Variants in HHAT observed in about 807,000 individuals in gnomAD.
HHAT encodes the protein protein-cysteine N-palmitoyltransferase HHAT.
A neutral mutation model predicts 70.8 loss-of-function variants in HHAT; 47 were observed. The ratio of observed to expected loss-of-function variants is 0.66; its 90% CI spans 0.53 to 0.85. HHAT has a LOEUF of 0.85. Among genes scored for constraint, HHAT ranks in the 40% least tolerant of loss-of-function variants. The pLI, the probability that HHAT is intolerant of heterozygous loss-of-function variation, is 0.00. For synonymous variants in HHAT, 228 were observed against 247.6 expected, an observed-to-expected ratio of 0.92 and a Z score of 0.74; for missense variants, 609 against 604.8, an observed-to-expected ratio of 1.01 and a Z score of -0.07.
chr1:210,440,619 A>G (rs2093483651), intron 7 of HHAT, among the ~76,000 whole-genome samples: 1 of 151,740 alleles, frequency 6.6e-6, no homozygotes, highest in African/African-American at 2.4e-5. Flanking sequence ...ATTCCCCATA[A>G]TAGTGTTTTG....
intron 8 of HHAT, among the ~76,000 whole-genome samples, chr1:210,481,769 A>G (rs2148487987): frequency 6.6e-6 from 1 of 152,348 alleles, no homozygotes; most frequent in Non-Finnish European, 1.5e-5. Flanking sequence ...ATTTGCAAAT[A>G]CACAATTTGT....
intron 9 of HHAT, among the ~76,000 whole-genome samples, chr1:210,526,592 A>G (rs769485115): frequency 2.6e-5 from 4 of 152,096 alleles, no homozygotes; most frequent in Non-Finnish European, 5.9e-5. Context: ...AACACTCTAG[A>G]CTGCCGTACC....
intron 6 of HHAT, 77 bp downstream of exon 6, chr1:210,404,756 T>C: frequency 8.4e-7 from 1 of 1,195,448 alleles, no homozygotes; most frequent in Non-Finnish European, 1.2e-6. Flanking sequence ...TCTCTGACTC[T>C]TGAGTCGTTT....
chr1:210,519,487 A>G (rs7534700), intron 9 of HHAT, among the ~76,000 whole-genome samples: 13,266 of 149,836 alleles, frequency 0.089, 1,507 homozygotes, highest in East Asian at 0.32. Flanking sequence ...CAATGTAAAG[A>G]GTTCCTTTAT....
chr1:210,479,447 A>G (rs1335867781), intron 8 of HHAT, among the ~76,000 whole-genome samples: 2 of 152,154 alleles, frequency 1.3e-5, no homozygotes, highest in Admixed American at 1.3e-4. Context: ...ACATTTCCAC[A>G]TCTATTGTCT....
rs2084736289 is a variant in HHAT, at chr1:210,328,947, T to C, written c.-201T>C. On this transcript the variant is annotated 5_prime_UTR_variant, in exon 1 of 12. Transcript: ENST00000261458. Reference sequence around the variant, plus strand: ...GCTCGGAGGACGCGCGCTGCGCTGCTCCTCCAAAGGGCAGCTCCGGGGGAA... The same window carrying C: ...GCTCGGAGGACGCGCGCTGCGCTGCCCCTCCAAAGGGCAGCTCCGGGGGAA... The C allele has an allele frequency of 6.0e-6, 7 of 1,173,668 alleles. No homozygotes were observed. Among genetic ancestry groups the C allele is most frequent in the Non-Finnish European group, 6.5e-6 (6 of 916,786 alleles). The allele number at this position is 1,173,668 out of a possible 1,614,324, so 72.7% of individuals were successfully genotyped here.
chr1:210,615,802 C>T (rs568146421), intron 10 of HHAT, among the ~76,000 whole-genome samples: 28 of 152,324 alleles, frequency 1.8e-4, no homozygotes, highest in East Asian at 1.5e-3. Flanking sequence ...CTGGAGGTTT[C>T]GTCTCAGAGG....
intron 9 of HHAT, among the ~76,000 whole-genome samples, chr1:210,565,424 A>G (rs957903085): frequency 1.3e-5 from 2 of 152,198 alleles, no homozygotes; most frequent in Non-Finnish European, 2.9e-5. Flanking sequence ...ATCAGCATGT[A>G]GTAGATGCTT....
chr1:210,475,544 A>G (rs970498607), intron 8 of HHAT, among the ~76,000 whole-genome samples: 3 of 152,162 alleles, frequency 2.0e-5, no homozygotes, highest in East Asian at 1.9e-4. Context: ...TCAGGATGCC[A>G]TGGGGTGACC....
intron 7 of HHAT, among the ~76,000 whole-genome samples, chr1:210,421,771 T>G (rs1384915030): frequency 6.6e-6 from 1 of 152,200 alleles, no homozygotes; most frequent in Non-Finnish European, 1.5e-5. Flanking sequence ...ATGAAATAAC[T>G]GTTAACTTTT....
At chr1:210,595,808 G>A (rs1300072107) in intron 10 of HHAT, among the ~76,000 whole-genome samples, 2 of 152,034 alleles carry the variant, frequency 1.3e-5, no homozygotes, top group Non-Finnish European at 2.9e-5. Flanking sequence ...CTTTTTGATG[G>A]GGTTGTTTGT....
Position 210,577,637 on chromosome 1 carries a change from A to ATTTTTTTTTTTTTTTTTTTT in HHAT, c.1044-10253_1044-10234dup, listed in dbSNP as rs1192626068. On this transcript the variant is annotated intron_variant, in intron 9 of 11. Coordinates refer to ENST00000261458, the MANE Select transcript of HHAT (RefSeq NM_018194.6). ...TGCATTAGGGATATTGGCCTGTAGG[A>ATTTTTTTTTTTTTTTTTTTT]TTTTTTTTTTTTTTTTTTTTTTTTT... is the stretch of plus-strand genomic sequence containing the variant. Among the ~76,000 whole-genome samples the ATTTTTTTTTTTTTTTTTTTT allele has an allele frequency of 1.7e-4, 10 of 60,252 alleles. 3 individuals are homozygous for ATTTTTTTTTTTTTTTTTTTT. The highest frequency in any genetic ancestry group is 2.6e-4 in the Non-Finnish European group (8 of 31,176). The allele number at this position is 60,252 out of a possible 152,430, so 39.5% of individuals were successfully genotyped here.
At chr1:210,633,563 C>T (rs1671283898) in intron 11 of HHAT, among the ~76,000 whole-genome samples, 1 of 152,154 alleles carries the variant, frequency 6.6e-6, no homozygotes, top group African/African-American at 2.4e-5. Flanking sequence ...CCGGATGCAC[C>T]AATAAGCCAC....
At chr1:210,643,735 T>C (rs1179768321) in intron 11 of HHAT, among the ~76,000 whole-genome samples, 1 of 152,024 alleles carries the variant, frequency 6.6e-6, no homozygotes, top group Non-Finnish European at 1.5e-5. Context: ...CAGACAACTT[T>C]GTTGGAAGAG....
intron 3 of HHAT, among the ~76,000 whole-genome samples, chr1:210,378,148 C>T (rs546841430): frequency 4.1e-4 from 62 of 152,280 alleles, no homozygotes; most frequent in African/African-American, 1.4e-3. Flanking sequence ...CTCTTTTGTG[C>T]AGAATTCTTA....
intron 9 of HHAT, among the ~76,000 whole-genome samples, chr1:210,527,305 C>T (rs1355767333): frequency 2.0e-5 from 3 of 152,192 alleles, no homozygotes; most frequent in Non-Finnish European, 2.9e-5. Context: ...AGCTCAGGCT[C>T]CCATGGCTGA....
intron 10 of HHAT, among the ~76,000 whole-genome samples, chr1:210,611,029 G>GT (rs1666467160): frequency 6.6e-6 from 1 of 152,100 alleles, no homozygotes. Context: ...TTTTAAAATA[G>GT]TTTTTTCTAA....
intron 3 of HHAT, among the ~76,000 whole-genome samples, chr1:210,375,245 A>T (rs1437489883): frequency 6.6e-6 from 1 of 152,058 alleles, no homozygotes; most frequent in African/African-American, 2.4e-5. Context: ...CTTCATCTCT[A>T]ATCCCTGAAA....
intron 9 of HHAT, among the ~76,000 whole-genome samples, chr1:210,572,552 G>GAA (rs1656575430): frequency 6.6e-6 from 1 of 152,108 alleles, no homozygotes; most frequent in Admixed American, 6.6e-5. Flanking sequence ...GTGCTACTAG[G>GAA]AAACAGTTTG....
Sources: gnomAD v4.1 joint callset for allele counts (sites outside exome capture counted in the v4.1 genomes callset) on GRCh38, gnomAD v4.1.1 for gene constraint, MANE v1.5 for transcripts, NCBI Gene and HGNC (gene_info 2026-07-23, HGNC 2026-07-21) for gene names.